ZBTB7C: variants seen among roughly 807,000 people sequenced by gnomAD.
ZBTB7C encodes the protein zinc finger and BTB domain-containing protein 7C.
ZBTB7C carries 8 observed loss-of-function variants against 25.7 expected under a neutral mutation model. The observed-to-expected ratio is 0.31, with a 90% CI of 0.18 to 0.56. The LOEUF is 0.56. Among genes scored for constraint, ZBTB7C ranks in the 20% least tolerant of loss-of-function variants. The probability of loss-of-function intolerance (pLI) is 0.91; values close to 1 mark genes in which losing one functional copy is unlikely to be tolerated. For synonymous variants in ZBTB7C, 394 were observed against 369.0 expected (o/e 1.07, Z -0.78); for missense variants, 824 against 855.2 (o/e 0.96, Z 0.46).
chr18:48,148,901 T>C (rs2040580577), intron 3 of ZBTB7C: 1 of 152,244 alleles, frequency 6.6e-6, no homozygotes, highest in Admixed American at 6.5e-5. Context: ...GAGGAGTGGC[T>C]GTGAAGAGAA....
intron 1 of ZBTB7C, among the ~76,000 whole-genome samples, chr18:48,389,516 T>C (rs1048102380): frequency 6.9e-6 from 1 of 144,166 alleles, no homozygotes; most frequent in African/African-American, 2.6e-5. Flanking sequence ...ATTGAAAATA[T>C]GTATAAGCAC....
intron 3 of ZBTB7C, among the ~76,000 whole-genome samples, chr18:48,095,857 C>A (rs1364084941): frequency 2.0e-5 from 3 of 152,172 alleles, no homozygotes; most frequent in Admixed American, 6.5e-5. Context: ...CCCTGAGTAG[C>A]CAGATGGGCA....
chr18:48,164,803 A>ATG (rs2041186226), intron 3 of ZBTB7C, among the ~76,000 whole-genome samples: 1 of 152,122 alleles, frequency 6.6e-6, no homozygotes, highest in Non-Finnish European at 1.5e-5. Context: ...TTAAGCACCT[A>ATG]CTGTATACTA....
intron 3 of ZBTB7C, among the ~76,000 whole-genome samples, chr18:48,084,569 C>A (rs78739782): frequency 0.014 from 2,098 of 152,238 alleles, 46 homozygotes; most frequent in African/African-American, 0.047. Flanking sequence ...CTGTGAGCCA[C>A]GGAGGAGTGA....
chr18:48,029,924 G>C lies in ZBTB7C; in HGVS notation c.1209-13C>G. On this transcript the variant is annotated splice_polypyrimidine_tract_variant and intron_variant, in intron 4 of 4. Transcript: ENST00000590800. ...CAGCTTGTCCTGCCTGCAATGCAGA[G>C]ACTGGGGGTCAGTCCCGCAGGGAAC... The C allele has an allele frequency of 6.2e-7, 1 of 1,609,948 alleles. No homozygotes were observed. Among genetic ancestry groups the C allele is most frequent in the Middle Eastern group, 1.6e-4 (1 of 6,062 alleles).
intron 2 of ZBTB7C, among the ~76,000 whole-genome samples, chr18:48,254,639 C>A (rs891590415): frequency 7.2e-5 from 11 of 152,122 alleles, no homozygotes; most frequent in Admixed American, 1.3e-4. Context: ...GACGACGAAC[C>A]CCATGTATTT....
At chr18:48,124,785 A>G (rs1185851752) in intron 3 of ZBTB7C, among the ~76,000 whole-genome samples, 2 of 152,226 alleles carry the variant, frequency 1.3e-5, no homozygotes, top group Non-Finnish European at 2.9e-5. Flanking sequence ...GCAGGAAAGC[A>G]AGGACAGCTT....
chr18:48,122,622 A>G (rs1316749739), intron 3 of ZBTB7C, among the ~76,000 whole-genome samples: 2 of 152,166 alleles, frequency 1.3e-5, no homozygotes, highest in East Asian at 1.9e-4. Context: ...CTGACTTAAT[A>G]TGTTACAACA....
At chr18:48,370,286 G>A (rs1297115113) in intron 1 of ZBTB7C, among the ~76,000 whole-genome samples, 1 of 152,088 alleles carries the variant, frequency 6.6e-6, no homozygotes, top group African/African-American at 2.4e-5. Flanking sequence ...CGAATCTTCA[G>A]GGAATTATGC....
intron 2 of ZBTB7C, among the ~76,000 whole-genome samples, chr18:48,278,766 T>C (rs2044743495): frequency 6.6e-6 from 1 of 152,090 alleles, no homozygotes; most frequent in South Asian, 2.1e-4. Flanking sequence ...CATGAGCAAA[T>C]AGTTGCTTTA....
chr18:48,361,845 G>A (rs1413274230), intron 1 of ZBTB7C, among the ~76,000 whole-genome samples: 1 of 152,190 alleles, frequency 6.6e-6, no homozygotes, highest in Non-Finnish European at 1.5e-5. Context: ...GATAAGCCAG[G>A]GAGAGGAAGG....
At chr18:48,397,363 C>T (rs913208759) in intron 1 of ZBTB7C, among the ~76,000 whole-genome samples, 1 of 152,186 alleles carries the variant, frequency 6.6e-6, no homozygotes, top group Non-Finnish European at 1.5e-5. Context: ...GGTCCCGCTA[C>T]CATTCCTTTG....
chr18:48,392,844 G>C (rs767718900), intron 1 of ZBTB7C, among the ~76,000 whole-genome samples: 1 of 152,174 alleles, frequency 6.6e-6, no homozygotes, highest in Non-Finnish European at 1.5e-5. Flanking sequence ...GCCCACGCTA[G>C]GGTCATTCTG....
intron 3 of ZBTB7C, among the ~76,000 whole-genome samples, chr18:48,119,218 G>A (rs888642402): frequency 6.6e-6 from 1 of 151,994 alleles, no homozygotes; most frequent in Admixed American, 6.6e-5. Context: ...TACACTAAAG[G>A]GTATTATTTC....
At chr18:48,049,213 G>C (rs1283169452) in intron 3 of ZBTB7C, among the ~76,000 whole-genome samples, 1 of 152,204 alleles carries the variant, frequency 6.6e-6, no homozygotes, top group Non-Finnish European at 1.5e-5. Context: ...GCTAGTAAAG[G>C]ACTCGTGTTC....
intron 1 of ZBTB7C, among the ~76,000 whole-genome samples, chr18:48,382,684 T>C (rs1423249429): frequency 1.3e-5 from 2 of 152,358 alleles, no homozygotes; most frequent in East Asian, 3.9e-4. Flanking sequence ...ACGAATGACT[T>C]TGCATGCATG....
chr18:48,196,891 C>G (rs4939756), intron 2 of ZBTB7C, among the ~76,000 whole-genome samples: 23,313 of 152,160 alleles, frequency 0.15, 1,952 homozygotes, highest in Non-Finnish European at 0.19. Flanking sequence ...TACTTTGAAC[C>G]ATCCACCTTT....
chr18:48,378,401 T>G (rs2047568282), intron 1 of ZBTB7C, among the ~76,000 whole-genome samples: 1 of 152,120 alleles, frequency 6.6e-6, no homozygotes, highest in South Asian at 2.1e-4. Flanking sequence ...GAGCACCAAC[T>G]CTCAGCACAT....
chr18:48,257,786 G>GA lies in ZBTB7C; in HGVS notation c.-78-71792dup, dbSNP rs199616477. Among the ~76,000 whole-genome samples the GA allele has an allele frequency of 2.3e-3, 330 of 140,840 alleles. 3 individuals are homozygous for GA. Among genetic ancestry groups the GA allele is most frequent in the Middle Eastern group, 0.014 (4 of 280 alleles). 92.4% of individuals were successfully genotyped at this position (140,840 alleles called of 152,430 possible). ...GTGTAAGGCGCTGTATTAACAAGCT[G>GA]AAAAAAAAAAAACTAGGATCATGCA... On this transcript the variant is annotated intron_variant, in intron 2 of 4. Transcript: ENST00000590800.
Sources: gnomAD v4.1 joint callset for allele counts (sites outside exome capture counted in the v4.1 genomes callset) on GRCh38, gnomAD v4.1.1 for gene constraint, MANE v1.5 for transcripts, NCBI Gene and HGNC (gene_info 2026-07-23, HGNC 2026-07-21) for gene names.